MUTYH: variants seen among roughly 807,000 people sequenced by gnomAD.
MUTYH encodes the protein mutY DNA glycosylase, also known as adenine DNA glycosylase.
A neutral mutation model predicts 72.9 loss-of-function variants in MUTYH; 64 were observed. The observed-to-expected ratio is 0.88, with a 90% CI of 0.72 to 1.08. The LOEUF (loss-of-function observed/expected upper bound fraction) is 1.08, where lower values mean the gene tolerates loss of function less well. Among genes scored for constraint, MUTYH ranks in the 50% least tolerant of loss-of-function variants. The pLI, the probability that MUTYH is intolerant of heterozygous loss-of-function variation, is 0.00. For missense variants in MUTYH, 633 were observed against 671.0 expected, an observed-to-expected ratio of 0.94 and a Z score of 0.63; for synonymous variants, 234 against 263.1, an observed-to-expected ratio of 0.89 and a Z score of 1.07.
In MUTYH at chr1:45,331,838, C is replaced by G; in HGVS notation, c.925G>C (p.Gly309Arg). Residue 309 changes from glycine to arginine, a missense_variant, in exon 12 of 16, where the codon GGA (glycine) becomes CGA (arginine). By Grantham distance (125) the Gly-to-Arg change is moderately radical. Transcript: ENST00000456914. ...PDVEECAPNT[G>R]QCHLCLPPSE... Reference sequence around the variant, plus strand: ...GGAGGCAGGCACAGGTGGCACTGTCCAGTGTTGGGAGCTGGGAACGGAGAT... The same window carrying G: ...GGAGGCAGGCACAGGTGGCACTGTCGAGTGTTGGGAGCTGGGAACGGAGAT... 2 of 1,603,732 alleles carry G rather than the reference C, an allele frequency of 1.2e-6. No individual in the cohort carries two copies. The highest frequency in any genetic ancestry group is 1.7e-6 in the Non-Finnish European group (2 of 1,174,938).
chr1:45,330,776 C>T (rs1644677497), intron 14 of MUTYH, among the ~76,000 whole-genome samples: 1 of 151,906 alleles, frequency 6.6e-6, no homozygotes, highest in South Asian at 2.1e-4. Flanking sequence ...ATGGTGAAAC[C>T]CCATCTCTAA....
At chr1:45,338,082 G>GT (rs575565412) in intron 1 of MUTYH, 6 of 493,142 alleles carry the variant, frequency 1.2e-5, no homozygotes, top group Non-Finnish European at 2.4e-5. Context: ...CTGTGGTACA[G>GT]TAAGTAGGTC....
At position 45,332,495 on chromosome 1, in the gene MUTYH, C is replaced by T. The variant is rs2149146308; in HGVS notation, c.607-7G>A. 1 of 1,614,086 alleles carries T rather than the reference C, an allele frequency of 6.2e-7. No individual in the cohort carries two copies. Among genetic ancestry groups the T allele is most frequent in the Non-Finnish European group, 8.5e-7 (1 of 1,179,988 alleles). The stretch of plus-strand genomic sequence containing the variant: ...CATCCACCACACCGGTTGCCTGGCA[C>T]AGAGGGGCCAAAGAGTTAGCCTGGG... On this transcript the variant is annotated splice_polypyrimidine_tract_variant and splice_region_variant and intron_variant, in intron 8 of 15. Transcript: ENST00000456914.
In MUTYH at chr1:45,329,328, C is replaced by T. The variant is rs1553122804; in HGVS notation, c.1544G>A (p.Ser515Asn). The T allele has an allele frequency of 6.2e-7, 1 of 1,614,164 alleles. No individual in the cohort carries two copies. Among genetic ancestry groups the T allele is most frequent in the South Asian group, 1.1e-5 (1 of 91,086 alleles). ...GTGTCACTGGGCTGCACTGTTGAGGCTGTGTGCATCAGTGGAGATGTGAGA... is the reference window on the plus strand; with the variant it reads ...GTGTCACTGGGCTGCACTGTTGAGGTTGTGTGCATCAGTGGAGATGTGAGA... The part of the protein sequence containing the change: ...FRSHISTDAH[S>N]LNSAAQ Residue 515 changes from serine to asparagine, a missense_variant, in exon 16 of 16, where the codon AGC becomes AAC. Coordinates refer to ENST00000456914, the MANE Select transcript of MUTYH (RefSeq NM_001048174.2).
In MUTYH at chr1:45,331,842, G is replaced by T. The variant is rs1400887684; in HGVS notation, c.921C>A (p.Asn307Lys). 6.2e-7 allele frequency: 1 copy of T among 1,603,002 alleles called. No individual in the cohort carries two copies. Among genetic ancestry groups the T allele is most frequent in the Non-Finnish European group, 8.5e-7 (1 of 1,174,528 alleles). The change falls in exon 12 of 16, where the codon AAC becomes AAA. Residue 307 changes from asparagine (N) to lysine (K), a missense_variant. By Grantham distance (94) the Asn-to-Lys change is moderately conservative. Transcript: ENST00000456914. ...GSPDVEECAP[N>K]TGQCHLCLPP... Reference sequence around the variant, plus strand: ...GCAGGCACAGGTGGCACTGTCCAGTGTTGGGAGCTGGGAACGGAGATCCCC... The same window carrying T: ...GCAGGCACAGGTGGCACTGTCCAGTTTTGGGAGCTGGGAACGGAGATCCCC...
rs1489217206 is a variant in MUTYH, at chr1:45,332,606, C to G, written c.574G>C (p.Ala192Pro). ...QLLPGVGRYT[A>P]GAIASIAFGQ... ...AAGGCGATAGAGGCAATGGCCCCAG[C>G]TGTGTAGCGCCCCACGCCAGGCAGG... Residue 192 changes from alanine to proline, a missense_variant, in exon 8 of 16, where the codon GCT (alanine) becomes CCT (proline). Ala to Pro is a conservative substitution (Grantham distance 27). Transcript: ENST00000456914. 1.2e-6 allele frequency: 2 copies of G among 1,614,172 alleles called. No homozygotes were observed.
In MUTYH at chr1:45,331,244, C is replaced by G. The variant is rs758262369; in HGVS notation, c.1330G>C (p.Gly444Arg). 2.5e-6 allele frequency: 4 copies of G among 1,614,228 alleles called. No homozygotes were observed. Among genetic ancestry groups the G allele is most frequent in the Middle Eastern group, 1.6e-4 (1 of 6,062 alleles). The change falls in exon 14 of 16, where the codon GGT becomes CGT. Residue 444 changes from glycine to arginine, a missense_variant. Transcript: ENST00000456914. ...TCCTCCTGCGTCAGCCAGCGAGCAC[C>G]TGGTGGTACGGTGGTCACTGGGGTC... ...GQTPVTTVPP[G>R]ARWLTQEEFH...
chr1:45,333,869 A>G (rs551590554), intron 2 of MUTYH, among the ~76,000 whole-genome samples: 8 of 152,324 alleles, frequency 5.3e-5, no homozygotes, highest in Non-Finnish European at 7.3e-5. Flanking sequence ...TTTCAGGCTC[A>G]TAAACTCATT....
chr1:45,332,376 AC>A lies in MUTYH; in HGVS notation c.704+14del. Reference sequence around the variant, plus strand: ...CAGACACCCCTGAAGCACCCTTGTTACCCCAACATCCTACCAGAGCTGCTGG... The same window carrying A: ...CAGACACCCCTGAAGCACCCTTGTTACCCAACATCCTACCAGAGCTGCTGG... On this transcript the variant is annotated intron_variant, in intron 9 of 15. Coordinates refer to ENST00000456914, the MANE Select transcript of MUTYH (RefSeq NM_001048174.2). 1 of 1,614,010 alleles carries A rather than the reference AC, an allele frequency of 6.2e-7. No individual in the cohort carries two copies. The highest frequency in any genetic ancestry group is 2.2e-5 in the East Asian group (1 of 44,878).
At chr1:45,329,629 G>A (rs1262435213) in intron 15 of MUTYH, among the ~76,000 whole-genome samples, 192 bp from the exon 16 acceptor site, 4 of 152,118 alleles carry the variant, frequency 2.6e-5, no homozygotes, top group Admixed American at 1.3e-4. Context: ...TGAGGGAATC[G>A]AATTGTCCTA....
At chr1:45,338,062 C>A in intron 1 of MUTYH, 1 of 475,698 alleles carries the variant, frequency 2.1e-6, no homozygotes, top group Non-Finnish European at 4.2e-6. Context: ...AAGGAGGGTG[C>A]CTGGTATGTC....
In MUTYH at chr1:45,331,084, CA is replaced by C. The variant is rs573719282; in HGVS notation, c.1392+97del. ...TGGGCAACAGAGCGATTCTCCGTCT[CA>C]AAAAAAAATGCTTTTTTTCCTGTTT... On this transcript the variant is annotated intron_variant, in intron 14 of 15. Transcript: ENST00000456914. 5.0e-4 allele frequency: 742 copies of C among 1,481,366 alleles called. 1 individual carries two copies. The highest frequency in any genetic ancestry group is 4.1e-4 in the Non-Finnish European group (440 of 1,069,266). 91.8% of individuals were successfully genotyped at this position (1,481,366 alleles called of 1,614,324 possible).
intron 1 of MUTYH, chr1:45,338,332 C>T (rs1012144473): frequency 3.8e-6 from 2 of 520,690 alleles, no homozygotes; most frequent in African/African-American, 3.7e-5. Context: ...AATTTAGTTG[C>T]TTAAACACCT....
Position 45,329,343 on chromosome 1 carries a change from G to A in MUTYH, c.1529C>T (p.Ser510Phe), listed in dbSNP as rs749775244. Residue 510 changes from serine to phenylalanine, a missense_variant, in exon 16 of 16, where the codon TCC becomes TTC. Ser to Phe is a radical substitution (Grantham distance 155, BLOSUM62 -2). Coordinates refer to ENST00000456914, the MANE Select transcript of MUTYH (RefSeq NM_001048174.2). ...VLDNFFRSHI[S>F]TDAHSLNSAA... The stretch of plus-strand genomic sequence containing the variant: ...ACTGTTGAGGCTGTGTGCATCAGTG[G>A]AGATGTGAGACCGAAAGAAATTATC... The A allele has an allele frequency of 6.2e-7, 1 of 1,614,210 alleles. No homozygotes were observed. Among genetic ancestry groups the A allele is most frequent in the South Asian group, 1.1e-5 (1 of 91,082 alleles).
rs148552450 is a variant in MUTYH at position 45,332,553 on chromosome 1, G to C, written c.606+21C>G. 3.0e-4 allele frequency: 482 copies of C among 1,613,774 alleles called. 1 individual carries two copies. Among genetic ancestry groups the C allele is most frequent in the Non-Finnish European group, 3.8e-4 (448 of 1,179,912 alleles). The stretch of plus-strand genomic sequence containing the variant: ...GAAGGAGGCTGGGCACGCACAAAGT[G>C]GGGGTGGGCTGTGAGATCACCTGGC... On this transcript the variant is annotated intron_variant, in intron 8 of 15. Transcript: ENST00000456914.
At chr1:45,329,572 C>A (rs1644422782) in intron 15 of MUTYH, 135 bp from the exon 16 acceptor site, 2 of 1,255,064 alleles carry the variant, frequency 1.6e-6, no homozygotes, top group Non-Finnish European at 2.2e-6. Flanking sequence ...GAGCTTTCAT[C>A]CTGCCTCAAG....
chr1:45,330,849 C>CT (rs1644690931), intron 14 of MUTYH, among the ~76,000 whole-genome samples: 1 of 152,090 alleles, frequency 6.6e-6, no homozygotes, highest in African/African-American at 2.4e-5. Flanking sequence ...TTCTGGGAGG[C>CT]TGAGGCGGGC....
chr1:45,331,666 T>G lies in MUTYH; in HGVS notation c.1097A>C (p.Asn366Thr). ...CACGCCCAGTATCCAGGTACCTGAG[T>G]TGGGCCTCTGCACCAGCAGAATTTG... is the stretch of plus-strand genomic sequence containing the variant. Reference protein sequence around the residue: ...GAQILLVQRPNSGLLAGLWEF... With the variant: ...GAQILLVQRPTSGLLAGLWEF... The change falls in exon 12 of 16, where the codon AAC (asparagine) becomes ACC (threonine). Residue 366 changes from asparagine to threonine, a missense_variant. By Grantham distance (65) the Asn-to-Thr change is moderately conservative. Coordinates refer to ENST00000456914, the MANE Select transcript of MUTYH (RefSeq NM_001048174.2). 1 of 1,613,902 alleles carries G rather than the reference T, an allele frequency of 6.2e-7. No individual in the cohort carries two copies. The highest frequency in any genetic ancestry group is 2.2e-5 in the East Asian group (1 of 44,882).
intron 1 of MUTYH, among the ~76,000 whole-genome samples, chr1:45,335,085 C>T (rs549867292): frequency 2.2e-4 from 33 of 152,274 alleles, no homozygotes; most frequent in Middle Eastern, 3.4e-3. Context: ...AGGTGGCTGA[C>T]CATCAACAAT....
Sources: allele counts gnomAD v4.1 joint callset (sites outside exome capture counted in the v4.1 genomes callset), GRCh38; gene constraint gnomAD v4.1.1; transcripts MANE v1.5; gene names NCBI Gene and HGNC (gene_info 2026-07-23, HGNC 2026-07-21).